The following TMEM9 variants were observed in gnomAD, a reference collection of about 807,000 sequenced individuals.
TMEM9 encodes the protein proton-transporting V-type ATPase complex assembly regulator TMEM9.
In TMEM9, 13 loss-of-function variants were observed where a neutral mutation model predicts 22.8. The ratio of observed to expected loss-of-function variants is 0.57; its 90% CI spans 0.37 to 0.91. The LOEUF is 0.91. TMEM9 is among the 40% of genes least tolerant of loss of function. The pLI is 0.01. For missense variants in TMEM9, 182 were observed against 238.1 expected (o/e 0.76, Z 1.55); for synonymous variants, 88 against 93.0 (o/e 0.95, Z 0.31).
chr1:201,161,267 T>C (rs541871743), intron 1 of TMEM9, among the ~76,000 whole-genome samples: 1 of 152,288 alleles, frequency 6.6e-6, no homozygotes, highest in Admixed American at 6.5e-5. Flanking sequence ...AACCCCACTA[T>C]ATGCTTGTAG....
upstream of TMEM9, among the ~76,000 whole-genome samples, chr1:201,157,426 C>A (rs1443327203): frequency 6.6e-6 from 1 of 152,182 alleles, no homozygotes; most frequent in Non-Finnish European, 1.5e-5. Flanking sequence ...AGCATTCCTC[C>A]GTGCAAGCTT....
At chr1:201,162,812 G>A (rs1665977099) in intron 1 of TMEM9, among the ~76,000 whole-genome samples, 1 of 152,138 alleles carries the variant, frequency 6.6e-6, no homozygotes, top group East Asian at 1.9e-4. Flanking sequence ...ATTTGCACAT[G>A]ACATATCTAA....
At chr1:201,153,566 G>T (rs891115502) in intron 1 of TMEM9, among the ~76,000 whole-genome samples, 18 of 152,142 alleles carry the variant, frequency 1.2e-4, no homozygotes, top group African/African-American at 4.3e-4. Context: ...GCAAAGGAAG[G>T]TATGGAGAAC....
At chr1:201,166,400 CA>C (rs1197990983) in intron 1 of TMEM9, among the ~76,000 whole-genome samples, 3 of 150,538 alleles carry the variant, frequency 2.0e-5, no homozygotes, top group Non-Finnish European at 3.0e-5. Flanking sequence ...CTCACTCTGT[CA>C]CCCAGGCTAG....
At chr1:201,149,543 G>A (rs576966411) in intron 2 of TMEM9, among the ~76,000 whole-genome samples, 1 of 152,124 alleles carries the variant, frequency 6.6e-6, no homozygotes, top group South Asian at 2.1e-4. Flanking sequence ...GCAAAGCTGG[G>A]GTTTTTGCCT....
At chr1:201,158,107 G>T (rs183985232), upstream of TMEM9, among the ~76,000 whole-genome samples, 1 of 152,332 alleles carries the variant, frequency 6.6e-6, no homozygotes, top group Admixed American at 6.5e-5. Context: ...GAGATGCTAT[G>T]CTGCTGGCTT....
rs1370896098 is a variant in TMEM9, at chr1:201,151,871, G to A, written c.67-19C>T. On this transcript the variant is annotated intron_variant, in intron 1 of 4. Coordinates refer to ENST00000367330, the MANE Select transcript of TMEM9 (RefSeq NM_001288565.2). ...CAGAACTCTGGAAAAGAAAGCACAT[G>A]TCAAGTATGCAGAGACCCTGCCTGG... 8 of 1,602,846 alleles carry A rather than the reference G, an allele frequency of 5.0e-6. No homozygotes were observed. In the East Asian group the frequency reaches 6.7e-5, roughly 13 times the overall value.
intron 1 of TMEM9, among the ~76,000 whole-genome samples, chr1:201,162,150 T>C (rs1199072731): frequency 6.6e-6 from 1 of 151,516 alleles, no homozygotes; most frequent in Non-Finnish European, 1.5e-5. Flanking sequence ...CAGGCATAGA[T>C]CTAAACAAAT....
intron 1 of TMEM9, among the ~76,000 whole-genome samples, chr1:201,168,356 G>A (rs1666128058): frequency 1.3e-5 from 2 of 152,160 alleles, no homozygotes; most frequent in African/African-American, 4.8e-5. Flanking sequence ...ATACACAGGT[G>A]TATTTTAGGG....
intron 3 of TMEM9, chr1:201,145,235 C>T (rs1664864143): frequency 6.6e-6 from 1 of 152,260 alleles, no homozygotes; most frequent in Admixed American, 6.5e-5. Context: ...TGATGAGGTC[C>T]CCATGCCAGG....
At chr1:201,146,670 G>C in intron 3 of TMEM9, 70 bp downstream of exon 3, 2 of 1,451,656 alleles carry the variant, frequency 1.4e-6, no homozygotes, top group Non-Finnish European at 1.9e-6. Flanking sequence ...AAAACTGTGG[G>C]TGTAGGCCAG....
At chr1:201,170,943 C>G (rs1380711089) in intron 1 of TMEM9, among the ~76,000 whole-genome samples, 1 of 152,236 alleles carries the variant, frequency 6.6e-6, no homozygotes, top group Non-Finnish European at 1.5e-5. Flanking sequence ...GGTGGCGTCC[C>G]GCAGAATGAG....
intron 1 of TMEM9, among the ~76,000 whole-genome samples, chr1:201,165,823 A>T (rs1666060794): frequency 6.6e-6 from 1 of 152,140 alleles, no homozygotes; most frequent in Non-Finnish European, 1.5e-5. Context: ...ATTGTTCTCC[A>T]CTCATGTCCC....
At chr1:201,157,441 C>T (rs1665829953), upstream of TMEM9, among the ~76,000 whole-genome samples, 3 of 152,216 alleles carry the variant, frequency 2.0e-5, no homozygotes, top group Admixed American at 2.0e-4. Context: ...AAGCTTCCAG[C>T]TTCCTTATAT....
chr1:201,159,573 AC>A (rs1369506423), intron 1 of TMEM9, among the ~76,000 whole-genome samples: 1 of 119,890 alleles, frequency 8.3e-6, no homozygotes, highest in African/African-American at 3.0e-5. Context: ...TAGCAATTAA[AC>A]CTTTTTTTTT....
intron 1 of TMEM9, among the ~76,000 whole-genome samples, chr1:201,165,179 T>TATATATATATATATATATATATATA: frequency 7.1e-6 from 1 of 141,360 alleles, no homozygotes; most frequent in Non-Finnish European, 1.5e-5. Context: ...TATATATATA[T>TATATATATATATATATATATATATA]TCATTATCAT....
At chr1:201,139,249 C>T (rs972370416) in intron 4 of TMEM9, among the ~76,000 whole-genome samples, 2 of 152,204 alleles carry the variant, frequency 1.3e-5, no homozygotes, top group Admixed American at 6.5e-5. Context: ...CTCCCCAATC[C>T]CAGGCACAGG....
At chr1:201,136,070 G>C (rs1190168542) in intron 4 of TMEM9, among the ~76,000 whole-genome samples, 1 of 152,114 alleles carries the variant, frequency 6.6e-6, no homozygotes, top group Non-Finnish European at 1.5e-5. Context: ...CCTGGGGCCT[G>C]GGAAAGGAAG....
chr1:201,140,132 A>T (rs1664391763), intron 4 of TMEM9, among the ~76,000 whole-genome samples: 1 of 152,200 alleles, frequency 6.6e-6, no homozygotes, highest in East Asian at 1.9e-4. Flanking sequence ...CGGTGCCTGC[A>T]TGTTCCAGTT....
Sources: allele counts gnomAD v4.1 joint callset (sites outside exome capture counted in the v4.1 genomes callset), GRCh38; gene constraint gnomAD v4.1.1; transcripts MANE v1.5; gene names NCBI Gene and HGNC (gene_info 2026-07-23, HGNC 2026-07-21).